CALN1: variants seen among roughly 807,000 people sequenced by gnomAD.
CALN1 encodes calcium-binding protein 8.
Under a neutral mutation model 30.6 loss-of-function variants are expected in CALN1, and 17 were observed. The observed-to-expected ratio is 0.56, with a 90% CI of 0.38 to 0.83. The LOEUF is 0.83. Among genes scored for constraint, CALN1 ranks in the 40% least tolerant of loss-of-function variants. The pLI, the probability that CALN1 is intolerant of heterozygous loss-of-function variation, is 0.00. For synonymous variants in CALN1, 156 were observed against 131.4 expected, an observed-to-expected ratio of 1.19 and a Z score of -1.28; for missense variants, 291 against 354.9, an observed-to-expected ratio of 0.82 and a Z score of 1.45.
At chr7:71,875,028 G>A (rs144679829) in intron 5 of CALN1, among the ~76,000 whole-genome samples, 8 of 152,150 alleles carry the variant, frequency 5.3e-5, no homozygotes, top group Admixed American at 5.2e-4. Flanking sequence ...AGCTGAGTGT[G>A]GGGGTGCATG....
At chr7:72,058,732 G>T (rs1244473310) in intron 4 of CALN1, among the ~76,000 whole-genome samples, 1 of 152,178 alleles carries the variant, frequency 6.6e-6, no homozygotes, top group Non-Finnish European at 1.5e-5. Context: ...TAGTGGAGAA[G>T]AATAACTTCA....
At chr7:72,028,905 C>T (rs749228350) in intron 4 of CALN1, among the ~76,000 whole-genome samples, 5 of 151,974 alleles carry the variant, frequency 3.3e-5, no homozygotes, top group Non-Finnish European at 5.9e-5. Flanking sequence ...GCAGGAGAAT[C>T]GCTTAAGTCT....
At chr7:71,988,296 G>C (rs28538126) in intron 5 of CALN1, among the ~76,000 whole-genome samples, 2,524 of 152,286 alleles carry the variant, frequency 0.017, 61 homozygotes, top group African/African-American at 0.055. Flanking sequence ...CAGCTTGTAA[G>C]GGGCATCTGG....
chr7:72,286,135 G>T (rs538829336), intron 2 of CALN1, among the ~76,000 whole-genome samples: 1 of 152,320 alleles, frequency 6.6e-6, no homozygotes, highest in African/African-American at 2.4e-5. Flanking sequence ...GAGTCAGATA[G>T]TACAGGGATA....
chr7:72,280,494 C>T (rs570852755), intron 2 of CALN1, among the ~76,000 whole-genome samples: 1 of 152,304 alleles, frequency 6.6e-6, no homozygotes, highest in South Asian at 2.1e-4. Context: ...AAACAGAATA[C>T]AAGAATCTTT....
chr7:71,881,166 T>C (rs1010145720), intron 5 of CALN1, among the ~76,000 whole-genome samples: 1 of 152,228 alleles, frequency 6.6e-6, no homozygotes, highest in Non-Finnish European at 1.5e-5. Context: ...ACTCTTGGAC[T>C]TACACCAGTG....
At chr7:72,407,079 T>C (rs562863471) in intron 1 of CALN1, among the ~76,000 whole-genome samples, 2 of 152,288 alleles carry the variant, frequency 1.3e-5, no homozygotes, top group East Asian at 3.9e-4. Context: ...GAGTACTCTA[T>C]CACCTGCATC....
At chr7:71,958,426 A>G (rs537127219) in intron 5 of CALN1, among the ~76,000 whole-genome samples, 40 of 152,274 alleles carry the variant, frequency 2.6e-4, no homozygotes, top group African/African-American at 9.1e-4. Context: ...CACAACAGAC[A>G]ACTCAGGGAG....
rs1169206251 is a variant in CALN1 at position 72,317,038 on chromosome 7, AAGAG to A, written c.120-38232_120-38229del. On this transcript the variant is annotated intron_variant, in intron 2 of 6. Transcript: ENST00000395275. ...AAGGAAGGAAAGGAGAGGAGGAGGG[AAGAG>A]AGAGAGAGAAAGAGAGAGAGAGAAA... Among the ~76,000 whole-genome samples the A allele has an allele frequency of 3.9e-3, 560 of 144,170 alleles. 4 individuals are homozygous for A. Among genetic ancestry groups the A allele is most frequent in the African/African-American group, 0.014 (538 of 37,960 alleles). 94.6% of individuals were successfully genotyped at this position (144,170 alleles called of 152,430 possible).
chr7:71,994,956 C>T (rs560309265), intron 5 of CALN1, among the ~76,000 whole-genome samples: 65 of 151,882 alleles, frequency 4.3e-4, no homozygotes, highest in African/African-American at 1.5e-3. Context: ...AGGTTCACGC[C>T]ATTCTCCTGC....
intron 4 of CALN1, among the ~76,000 whole-genome samples, chr7:72,036,894 T>A (rs1217202479): frequency 6.6e-6 from 1 of 152,120 alleles, no homozygotes; most frequent in East Asian, 1.9e-4. Context: ...ATGTAATAAG[T>A]GGTATCTCTG....
intron 5 of CALN1, among the ~76,000 whole-genome samples, chr7:71,920,932 A>G (rs942465825): frequency 1.3e-5 from 2 of 152,220 alleles, no homozygotes; most frequent in African/African-American, 2.4e-5. Context: ...ACTGTTCACA[A>G]CAGCAAAGAC....
intron 3 of CALN1, among the ~76,000 whole-genome samples, chr7:72,149,884 C>T (rs977605166): frequency 6.6e-5 from 10 of 151,618 alleles, no homozygotes; most frequent in East Asian, 1.9e-4. Flanking sequence ...GACATGGAGG[C>T]GGGCAGATCA....
intron 2 of CALN1, among the ~76,000 whole-genome samples, chr7:72,363,966 C>T (rs1159408355): frequency 6.6e-6 from 1 of 151,984 alleles, no homozygotes; most frequent in African/African-American, 2.4e-5. Context: ...AACCCCTGAC[C>T]TCAGGTGATC....
intron 3 of CALN1, among the ~76,000 whole-genome samples, chr7:72,107,127 G>A (rs905807138): frequency 6.6e-6 from 1 of 152,194 alleles, no homozygotes; most frequent in Non-Finnish European, 1.5e-5. Context: ...GGTCCCAGCA[G>A]AGAATCATGT....
intron 3 of CALN1, among the ~76,000 whole-genome samples, chr7:72,229,699 G>A (rs964017126): frequency 6.6e-6 from 1 of 151,862 alleles, no homozygotes; most frequent in Non-Finnish European, 1.5e-5. Flanking sequence ...ACCAAACACC[G>A]CATGTTCTCA....
At position 71,844,092 on chromosome 7, in the gene CALN1, A is replaced by G. The variant is rs547454593; in HGVS notation, c.502-33600T>C. On this transcript the variant is annotated intron_variant, in intron 5 of 6. Coordinates refer to ENST00000395275, the MANE Select transcript of CALN1 (RefSeq NM_031468.4). ...CATGTCACTTTTGCACAAGGAGCAC[A>G]CTGCGATATGATTTTCCTTTCTCCA... is the stretch of plus-strand genomic sequence containing the variant. Among the ~76,000 whole-genome samples, 7 of 152,304 alleles carry G rather than the reference A, an allele frequency of 4.6e-5. No individual in the cohort carries two copies. In the South Asian group the frequency reaches 1.5e-3, roughly 32 times the overall value.
chr7:71,827,885 T>C (rs775302769), intron 5 of CALN1, among the ~76,000 whole-genome samples: 5 of 151,968 alleles, frequency 3.3e-5, no homozygotes, highest in African/African-American at 1.2e-4. Context: ...GGTGGGTCCA[T>C]GTGGATATTT....
chr7:72,494,143 T>C, the CALN1 span, among the ~76,000 whole-genome samples: 1 of 152,070 alleles, frequency 6.6e-6, no homozygotes. Context: ...TGAGCCATGA[T>C]TGCGCCACTG....
Sources: allele counts gnomAD v4.1 joint callset (sites outside exome capture counted in the v4.1 genomes callset), GRCh38; gene constraint gnomAD v4.1.1; transcripts MANE v1.5; gene names NCBI Gene and HGNC (gene_info 2026-07-23, HGNC 2026-07-21).